PREX1: variants seen among roughly 807,000 people sequenced by gnomAD.
PREX1 encodes phosphatidylinositol-3,4,5-trisphosphate dependent Rac exchange factor 1.
A neutral mutation model predicts 198.3 loss-of-function variants in PREX1; 41 were observed. The observed-to-expected ratio is 0.21, with a 90% CI of 0.16 to 0.27. PREX1 has a LOEUF of 0.27. Ranked by LOEUF, PREX1 falls within the 10% of genes least tolerant of loss-of-function variation. The pLI is 1.00. For synonymous variants in PREX1, 843 were observed against 887.2 expected, an observed-to-expected ratio of 0.95 and a Z score of 0.89; for missense variants, 1,620 against 2,200.7, an observed-to-expected ratio of 0.74 and a Z score of 5.28.
chr20:48,741,236 G>A (rs898921717), intron 3 of PREX1, among the ~76,000 whole-genome samples: 2 of 152,180 alleles, frequency 1.3e-5, no homozygotes, highest in African/African-American at 4.8e-5. Flanking sequence ...CCTTAGGATG[G>A]CCTAAAGCCC....
rs560400374 is a variant in PREX1 at position 48,734,533 on chromosome 20, C to T, written c.519+13G>A. On this transcript the variant is annotated intron_variant, in intron 4 of 39. Coordinates refer to ENST00000371941, the MANE Select transcript of PREX1 (RefSeq NM_020820.4). The stretch of plus-strand genomic sequence containing the variant: ...GAGTGCAAGGGAGCACCAGGGCTGA[C>T]GGGTCAACTTACCAAAAGGAAGGCG... 6.4e-5 allele frequency: 103 copies of T among 1,610,714 alleles called. 1 individual carries two copies. The highest frequency in any genetic ancestry group is 3.1e-4 in the South Asian group (28 of 90,974).
chr20:48,679,572 AG>A (rs927144871), intron 12 of PREX1, 78 bp downstream of exon 12: 2 of 1,449,662 alleles, frequency 1.4e-6, no homozygotes, highest in African/African-American at 1.4e-5. Context: ...CAAGGGGCAC[AG>A]GCCTGCTCTG....
At chr20:48,756,882 A>C (rs1368628375) in intron 1 of PREX1, among the ~76,000 whole-genome samples, 1 of 152,232 alleles carries the variant, frequency 6.6e-6, no homozygotes, top group African/African-American at 2.4e-5. Context: ...ATCAAGGCAG[A>C]AGGCAAATGA....
chr20:48,665,318 T>C (rs144982522), intron 15 of PREX1, among the ~76,000 whole-genome samples: 24,557 of 102,426 alleles, frequency 0.24, 2,296 homozygotes, highest in Middle Eastern at 0.42. Context: ...CTAATCCTGG[T>C]TCCAGACGGC....
upstream of PREX1, among the ~76,000 whole-genome samples, chr20:48,829,369 C>T (rs994298265): frequency 1.3e-5 from 2 of 152,182 alleles, no homozygotes; most frequent in African/African-American, 4.8e-5. Flanking sequence ...AGAAACATTG[C>T]TTATTTATTC....
At chr20:48,844,686 C>T in the PREX1 span, among the ~76,000 whole-genome samples, 5 of 152,170 alleles carry the variant, frequency 3.3e-5, no homozygotes, top group Non-Finnish European at 7.3e-5. Flanking sequence ...CGAACGGAGA[C>T]CGTGCCATCA....
At chr20:48,830,339 G>A (rs1164885006), upstream of PREX1, among the ~76,000 whole-genome samples, 1 of 152,186 alleles carries the variant, frequency 6.6e-6, no homozygotes, top group Non-Finnish European at 1.5e-5. Context: ...CTCCAACCTG[G>A]ACAACAGAGT....
In PREX1 at chr20:48,707,964, A is replaced by G. The variant is rs542550336; in HGVS notation, c.783+296T>C. The stretch of plus-strand genomic sequence containing the variant: ...GCCTCCACATACCAGGCAATGCATG[A>G]AAGAGAAGGGGTGGGGAGATAACAG... On this transcript the variant is annotated intron_variant, in intron 6 of 39. Coordinates refer to ENST00000371941, the MANE Select transcript of PREX1 (RefSeq NM_020820.4). Among the ~76,000 whole-genome samples, 3 of 152,306 alleles carry G rather than the reference A, an allele frequency of 2.0e-5. 1 individual carries two copies. Among genetic ancestry groups the G allele is most frequent in the African/African-American group, 7.2e-5 (3 of 41,562 alleles).
chr20:48,826,910 T>A (rs561839612), intron 1 of PREX1, among the ~76,000 whole-genome samples: 3 of 152,228 alleles, frequency 2.0e-5, no homozygotes, highest in Admixed American at 1.3e-4. Context: ...CCCTACTTCA[T>A]AGACCGCCTG....
At chr20:48,681,474 T>G in intron 10 of PREX1, 139 bp from the exon 11 acceptor site, 1 of 799,062 alleles carries the variant, frequency 1.3e-6, no homozygotes, top group Non-Finnish European at 2.2e-6. Flanking sequence ...TGTAGTAGTC[T>G]ATAGCCCTTG....
intron 6 of PREX1, among the ~76,000 whole-genome samples, chr20:48,706,797 CA>C (rs1391962945): frequency 5.3e-5 from 8 of 152,054 alleles, no homozygotes; most frequent in Non-Finnish European, 8.8e-5. Flanking sequence ...TACTTTTAAG[CA>C]AAAAGGAATG....
chr20:48,782,287 G>T (rs1259971492), intron 1 of PREX1, among the ~76,000 whole-genome samples: 3 of 152,136 alleles, frequency 2.0e-5, no homozygotes, highest in Non-Finnish European at 4.4e-5. Context: ...TTTCCCCCAT[G>T]CGGTTCTCGT....
intron 3 of PREX1, among the ~76,000 whole-genome samples, chr20:48,744,705 A>G (rs932189051): frequency 3.3e-5 from 5 of 152,078 alleles, no homozygotes; most frequent in Non-Finnish European, 7.4e-5. Context: ...GCCACTAGCT[A>G]CCTCTGATGG....
intron 13 of PREX1, 121 bp from the exon 14 acceptor site, chr20:48,676,389 G>A (rs532697413): frequency 5.6e-6 from 5 of 890,652 alleles, no homozygotes; most frequent in Non-Finnish European, 9.1e-6. Context: ...TCTAGGCATT[G>A]GGCAGGGGTC....
rs41283556 is a variant in PREX1, at chr20:48,650,942, A to G, written c.2769T>C (p.Cys923=). 306,995 of 1,613,970 alleles carry G rather than the reference A, an allele frequency of 0.19. 30,842 individuals are homozygous for G. The highest frequency in any genetic ancestry group is 0.29 in the Middle Eastern group (1,780 of 6,058). ...TMPHFEFRNI[C]DTKLESIGQR... is the part of the protein sequence containing the mutation. ...GGCCAATGCTCTCCAGCTTGGTGTC[A>G]CAGATGTTGCGGAACTCAAAGTGGG... The change falls in exon 23 of 40, where the codon TGT becomes TGC. Residue 923 remains cysteine (C), a synonymous_variant. Transcript: ENST00000371941.
At chr20:48,731,187 C>T (rs2090033396) in intron 4 of PREX1, among the ~76,000 whole-genome samples, 1 of 152,088 alleles carries the variant, frequency 6.6e-6, no homozygotes, top group African/African-American at 2.4e-5. Flanking sequence ...CCTTTGCACA[C>T]GCAGGTCATC....
chr20:48,773,160 G>A (rs141582256), intron 1 of PREX1, among the ~76,000 whole-genome samples: 5,084 of 151,592 alleles, frequency 0.034, 143 homozygotes, highest in African/African-American at 0.075. Context: ...TCTGCTACTC[G>A]GGAGGCTGAG....
rs73144026 is a variant in PREX1, at chr20:48,668,985, T to C, written c.1666-2630A>G. ...CCTAAAGCTAGGCCAGCAGGGACTC[T>C]CAGGTCAACAGTGATACAGAAGGCC... On this transcript the variant is annotated intron_variant, in intron 14 of 39. Coordinates refer to ENST00000371941, the MANE Select transcript of PREX1 (RefSeq NM_020820.4). 1.8e-3 allele frequency among the ~76,000 whole-genome samples: 281 copies of C among 152,160 alleles called. 1 individual carries two copies. Among genetic ancestry groups the C allele is most frequent in the Non-Finnish European group, 3.1e-3 (214 of 67,980 alleles).
chr20:48,853,377 A>G, the PREX1 span, among the ~76,000 whole-genome samples: 8 of 152,182 alleles, frequency 5.3e-5, no homozygotes, highest in Non-Finnish European at 8.8e-5. Context: ...GGAAACTTAC[A>G]ATCATGGCTG....
Sources: allele counts gnomAD v4.1 joint callset (sites outside exome capture counted in the v4.1 genomes callset), GRCh38; gene constraint gnomAD v4.1.1; transcripts MANE v1.5; gene names NCBI Gene and HGNC (gene_info 2026-07-23, HGNC 2026-07-21).